Variants in CACNA1D observed in about 807,000 individuals in gnomAD.
CACNA1D encodes voltage-dependent L-type calcium channel subunit alpha-1D.
Under a neutral mutation model 257.1 loss-of-function variants are expected in CACNA1D, and 55 were observed. That is an observed-to-expected ratio of 0.21 (90% CI 0.17 to 0.27). The LOEUF (loss-of-function observed/expected upper bound fraction) is 0.27. Ranked by LOEUF, CACNA1D falls within the 10% of genes least tolerant of loss-of-function variation. The probability of loss-of-function intolerance (pLI) is 1.00; values close to 1 mark genes in which losing one functional copy is unlikely to be tolerated. For missense variants in CACNA1D, 1,876 were observed against 2,784.0 expected (o/e 0.67, Z 7.34); for synonymous variants, 980 against 1,014.9 (o/e 0.97, Z 0.65).
intron 20 of CACNA1D, among the ~76,000 whole-genome samples, chr3:53,737,684 G>A (rs1027362694): frequency 1.3e-5 from 2 of 152,200 alleles, no homozygotes; most frequent in Admixed American, 6.5e-5. Context: ...TTAGCTGGGT[G>A]TGGTGGTCTG....
At chr3:53,624,263 A>G (rs2093731630) in intron 3 of CACNA1D, among the ~76,000 whole-genome samples, 1 of 152,236 alleles carries the variant, frequency 6.6e-6, no homozygotes, top group African/African-American at 2.4e-5. Flanking sequence ...TCTTGGAATG[A>G]AGTCAGAGCA....
chr3:53,602,946 C>G (rs1168703628), intron 3 of CACNA1D, among the ~76,000 whole-genome samples: 4 of 152,200 alleles, frequency 2.6e-5, no homozygotes, highest in Non-Finnish European at 5.9e-5. Flanking sequence ...AGTGGTGCAG[C>G]TTTGCTGAGC....
intron 8 of CACNA1D, among the ~76,000 whole-genome samples, chr3:53,676,786 T>C (rs1381323267): frequency 6.6e-6 from 1 of 152,198 alleles, no homozygotes; most frequent in Non-Finnish European, 1.5e-5. Context: ...AAATCTTTGG[T>C]TTTATAACAG....
chr3:53,538,141 GTTTTT>G (rs538996336), intron 3 of CACNA1D, among the ~76,000 whole-genome samples: 1,126 of 90,370 alleles, frequency 0.012, 8 homozygotes, highest in African/African-American at 0.063. Context: ...AGTTTTTGAA[GTTTTT>G]TTTTTTTTTT....
chr3:53,649,941 T>C (rs564870869), intron 3 of CACNA1D, among the ~76,000 whole-genome samples: 2 of 152,330 alleles, frequency 1.3e-5, no homozygotes, highest in East Asian at 3.9e-4. Context: ...TGCTGATTGG[T>C]ATGTTTTCCA....
chr3:53,631,975 T>G (rs761800521), intron 3 of CACNA1D, among the ~76,000 whole-genome samples: 2 of 152,218 alleles, frequency 1.3e-5, no homozygotes, highest in African/African-American at 2.4e-5. Context: ...GCATCATTCT[T>G]AAGGGCCCTG....
At chr3:53,532,129 G>A (rs910065441) in intron 3 of CACNA1D, among the ~76,000 whole-genome samples, 2 of 152,186 alleles carry the variant, frequency 1.3e-5, no homozygotes, top group African/African-American at 4.8e-5. Context: ...TTGTCGCAAA[G>A]TTATGTTTCA....
chr3:53,791,096 T>C (rs745794141), intron 40 of CACNA1D: 78 of 697,168 alleles, frequency 1.1e-4, no homozygotes, highest in Middle Eastern at 6.9e-4. Context: ...GGCTTATTTC[T>C]ACTGAAACAG....
In CACNA1D at chr3:53,811,083, C is replaced by T. The variant is rs575282305; in HGVS notation, c.6193-30C>T. ...TGCCCTGCAAAGCCTTATAACACCC[C>T]CATGCCATCCATCCCTCTTTTCTGT... On this transcript the variant is annotated intron_variant, in intron 47 of 47. Coordinates refer to ENST00000350061, the MANE Select transcript of CACNA1D (RefSeq NM_001128840.3). The surrounding 1 kb of genome is among the most constrained non-coding windows in gnomAD (Gnocchi z 4.2). 7 of 1,595,410 alleles carry T rather than the reference C, an allele frequency of 4.4e-6. No individual in the cohort carries two copies. The South Asian group carries it at 7.7e-5, about 18-fold the overall frequency.
intron 3 of CACNA1D, among the ~76,000 whole-genome samples, chr3:53,518,553 C>G (rs1053749412): frequency 6.6e-6 from 1 of 152,116 alleles, no homozygotes; most frequent in Non-Finnish European, 1.5e-5. Flanking sequence ...ACATAGGGCT[C>G]CCATCAAAGC....
intron 30 of CACNA1D, chr3:53,762,613 T>C (rs1235046106): frequency 2.2e-6 from 1 of 456,786 alleles, no homozygotes; most frequent in South Asian, 1.5e-5. Context: ...GCGTCGTTGA[T>C]ATTGCTATAA....
At chr3:53,767,810 T>TC (rs896169740) in intron 30 of CACNA1D, among the ~76,000 whole-genome samples, 1 of 151,962 alleles carries the variant, frequency 6.6e-6, no homozygotes, top group Admixed American at 6.6e-5. Context: ...ACTTGCACTG[T>TC]CCCCCCGGGG....
At chr3:53,683,801 CAAT>C (rs1487888941) in intron 8 of CACNA1D, among the ~76,000 whole-genome samples, 13 of 152,136 alleles carry the variant, frequency 8.5e-5, no homozygotes, top group African/African-American at 3.1e-4. Flanking sequence ...TCTAAAACAA[CAAT>C]AAGCAATCTG....
chr3:53,648,091 G>A (rs989126979), intron 3 of CACNA1D, among the ~76,000 whole-genome samples: 10 of 152,182 alleles, frequency 6.6e-5, no homozygotes, highest in African/African-American at 1.4e-4. Flanking sequence ...TTTGGGAGGT[G>A]TACTGTCTGT....
intron 39 of CACNA1D, among the ~76,000 whole-genome samples, chr3:53,783,943 G>T (rs2095439380): frequency 6.6e-6 from 1 of 152,206 alleles, no homozygotes; most frequent in Non-Finnish European, 1.5e-5. Flanking sequence ...CAAGTGGCTG[G>T]GACTGGCAGA....
chr3:53,751,930 G>T lies in CACNA1D; in HGVS notation c.3675+23G>T. ...CAGGTAAAAATGGAGACAGCCGTGG[G>T]GATCAGGTCCGGGCATTCCGCACAG... On this transcript the variant is annotated intron_variant, in intron 28 of 47. Coordinates refer to ENST00000350061, the MANE Select transcript of CACNA1D (RefSeq NM_001128840.3). This position sits in a 1 kb window ranked among gnomAD's most constrained non-coding sequence, Gnocchi z 4.3. The T allele has an allele frequency of 3.7e-6, 6 of 1,613,182 alleles. No individual in the cohort carries two copies. Among genetic ancestry groups the T allele is most frequent in the Non-Finnish European group, 5.1e-6 (6 of 1,179,202 alleles).
intron 3 of CACNA1D, among the ~76,000 whole-genome samples, chr3:53,628,082 G>C (rs578243002): frequency 6.6e-6 from 1 of 152,176 alleles, no homozygotes; most frequent in Non-Finnish European, 1.5e-5. Context: ...TCAGCAGGGA[G>C]CCCTGTCTTC....
At chr3:53,496,131 T>G (rs1362965235) in intron 1 of CACNA1D, among the ~76,000 whole-genome samples, 5 of 152,222 alleles carry the variant, frequency 3.3e-5, no homozygotes, top group Admixed American at 3.3e-4. Context: ...ACTCTTTACT[T>G]AGCAATAATT....
At chr3:53,503,602 A>T (rs907706238) in intron 3 of CACNA1D, among the ~76,000 whole-genome samples, 2 of 152,212 alleles carry the variant, frequency 1.3e-5, no homozygotes, top group Non-Finnish European at 2.9e-5. Context: ...AATATTCTGA[A>T]TTTTTCCCAG....
Sources: allele counts gnomAD v4.1 joint callset (sites outside exome capture counted in the v4.1 genomes callset), GRCh38; gene constraint gnomAD v4.1.1; non-coding constraint Gnocchi (gnomAD v3.1); transcripts MANE v1.5; gene names NCBI Gene and HGNC (gene_info 2026-07-23, HGNC 2026-07-21).